The following LPIN3 variants were observed in gnomAD, a reference collection of about 807,000 sequenced individuals.
The protein encoded by LPIN3 is phosphatidate phosphatase LPIN3.
Under a neutral mutation model 94.7 loss-of-function variants are expected in LPIN3, and 82 were observed. The observed-to-expected ratio is 0.87, with a 90% CI of 0.72 to 1.04. The LOEUF (loss-of-function observed/expected upper bound fraction) is 1.04, where lower values mean the gene tolerates loss of function less well. Among genes scored for constraint, LPIN3 ranks in the 50% least tolerant of loss-of-function variants. The pLI is 0.00. For missense variants in LPIN3, 996 were observed against 1,090.5 expected, an observed-to-expected ratio of 0.91 and a Z score of 1.22; for synonymous variants, 418 against 443.3, an observed-to-expected ratio of 0.94 and a Z score of 0.72.
chr20:41,356,125 G>T, intron 14 of LPIN3, 91 bp downstream of exon 14: 2 of 1,520,808 alleles, frequency 1.3e-6, no homozygotes, highest in South Asian at 1.3e-5. Flanking sequence ...AATGGCTCCA[G>T]GGAGCCACAT....
At chr20:41,347,439 A>T in intron 2 of LPIN3, 113 bp from the exon 3 acceptor site, 1 of 969,694 alleles carries the variant, frequency 1.0e-6, no homozygotes, top group Non-Finnish European at 1.6e-6. Context: ...AGGGAACCCC[A>T]GCAAGTATGG....
chr20:41,355,435 T>A (rs996899473), intron 13 of LPIN3, among the ~76,000 whole-genome samples: 1 of 152,228 alleles, frequency 6.6e-6, no homozygotes, highest in Non-Finnish European at 1.5e-5. Context: ...CTCAGGCTCC[T>A]GCCCCAGACA....
rs2147020443 is a variant in LPIN3, at chr20:41,358,483, C to T, written c.2352C>T (p.Ile784=). The T allele has an allele frequency of 6.2e-7, 1 of 1,614,122 alleles. No homozygotes were observed. Among genetic ancestry groups the T allele is most frequent in the Non-Finnish European group, 8.5e-7 (1 of 1,180,026 alleles). The change falls in exon 19 of 20, where the codon ATC becomes ATT. Residue 784 remains isoleucine (I), a synonymous_variant. Transcript: ENST00000373257. The stretch of plus-strand genomic sequence containing the variant: ...AGGTGGGCCTGCCTGAGTCACGCAT[C>T]TTCACAGTCAACCCCCGGGGAGAGC... ...YRQVGLPESR[I]FTVNPRGELI... is the part of the protein sequence containing the mutation.
intron 2 of LPIN3, among the ~76,000 whole-genome samples, chr20:41,347,152 G>A (rs2045808871): frequency 6.6e-6 from 1 of 152,190 alleles, no homozygotes; most frequent in South Asian, 2.1e-4. Context: ...TCCCACCATT[G>A]TTTATGCAGC....
intron 4 of LPIN3, 82 bp from the exon 5 acceptor site, chr20:41,349,010 C>G: frequency 1.9e-6 from 3 of 1,585,722 alleles, no homozygotes; most frequent in African/African-American, 2.7e-5. Flanking sequence ...TTCACCTTAC[C>G]AAGCCCCTGA....
Position 41,347,642 on chromosome 20 carries a change from G to A in LPIN3, c.283G>A (p.Asp95Asn), listed in dbSNP as rs1186302765. 11 of 1,613,040 alleles carry A rather than the reference G, an allele frequency of 6.8e-6. No individual in the cohort carries two copies. The highest frequency in any genetic ancestry group is 5.0e-5 in the Admixed American group (3 of 59,938). The change falls in exon 3 of 20, where the codon GAT becomes AAT. Residue 95 changes from aspartate (D) to asparagine (N), a missense_variant. By Grantham distance (23) the Asp-to-Asn change is conservative (BLOSUM62 1). Transcript: ENST00000373257. The part of the protein sequence containing the change: ...EAFFVQELES[D>N]DEHVPPGLCT... ...CTTCTTTGTTCAGGAGCTGGAGAGC[G>A]ATGATGTGAGTCTGCCCTCCTAACA... is the stretch of plus-strand genomic sequence containing the variant.
intron 1 of LPIN3, among the ~76,000 whole-genome samples, chr20:41,343,154 A>G (rs1324746057): frequency 1.3e-5 from 2 of 152,060 alleles, no homozygotes; most frequent in Admixed American, 6.5e-5. Context: ...GCAAAGAATT[A>G]TCTGGCCCCA....
intron 5 of LPIN3, among the ~76,000 whole-genome samples, 165 bp downstream of exon 5, chr20:41,349,337 T>C (rs1444638182): frequency 8.5e-5 from 13 of 152,244 alleles, no homozygotes; most frequent in African/African-American, 3.1e-4. Context: ...TTTTTTTAAA[T>C]TGCGGTAAAA....
At position 41,358,875 on chromosome 20, in the gene LPIN3, T is replaced by C. The variant is rs2046311122; in HGVS notation, c.*9T>C. 6.2e-7 allele frequency: 1 copy of C among 1,613,590 alleles called. No homozygotes were observed. The highest frequency in any genetic ancestry group is 1.3e-5 in the African/African-American group (1 of 74,912). ...TTGATACCCTGGACTGAACCTGCCC[T>C]GGCTGGCTCCTCCTCCCTGGCCCGG... On this transcript the variant is annotated 3_prime_UTR_variant, in exon 20 of 20. Transcript: ENST00000373257.
intron 1 of LPIN3, among the ~76,000 whole-genome samples, chr20:41,342,939 G>A (rs1321953456): frequency 6.6e-6 from 1 of 152,170 alleles, no homozygotes; most frequent in African/African-American, 2.4e-5. Context: ...AGGACCCCGG[G>A]TGCCATCTCT....
At position 41,345,724 on chromosome 20, in the gene LPIN3, G is replaced by T; in HGVS notation, c.-8-72G>T. ...AAATGTAAACTTGGGGGTCTGTGTG[G>T]TCAGGCTGCAGGAGCTTCTTGTGGA... On this transcript the variant is annotated intron_variant, in intron 1 of 19. Transcript: ENST00000373257. The T allele has an allele frequency of 4.0e-6, 6 of 1,484,918 alleles. No homozygotes were observed. The South Asian group carries it at 6.5e-5, about 16-fold the overall frequency. The allele number at this position is 1,484,918 out of a possible 1,614,324, so 92.0% of individuals were successfully genotyped here.
intron 14 of LPIN3, 128 bp downstream of exon 14, chr20:41,356,162 C>A: frequency 7.4e-7 from 1 of 1,352,404 alleles, no homozygotes; most frequent in Admixed American, 2.3e-5. Context: ...AATCTATCCC[C>A]TTGGGAGCCT....
At chr20:41,351,788 C>G (rs755084852) in intron 7 of LPIN3, 33 bp from the exon 8 acceptor site, 1 of 1,597,926 alleles carries the variant, frequency 6.3e-7, no homozygotes, top group East Asian at 2.2e-5. Context: ...GAGCACATGT[C>G]AGCTCTACAG....
rs140565889 is a variant in LPIN3 at position 41,345,844 on chromosome 20, C to T, written c.41C>T (p.Thr14Met). ...VGQLAETVFGTVKELYRGLNP... is the reference protein window; with the variant it reads ...VGQLAETVFGMVKELYRGLNP... ...CAGCTGGCGGAGACGGTGTTTGGGA[C>T]GGTGAAGGAGCTGTACCGGGGCCTG... The change falls in exon 2 of 20, where the codon ACG becomes ATG. Residue 14 changes from threonine (T) to methionine (M), a missense_variant. Thr to Met is a moderately conservative substitution (Grantham distance 81). Transcript: ENST00000373257. 57 of 1,613,932 alleles carry T rather than the reference C, an allele frequency of 3.5e-5. No individual in the cohort carries two copies. Among genetic ancestry groups the T allele is most frequent in the African/African-American group, 4.0e-5 (3 of 74,922 alleles).
At chr20:41,350,006 G>C in intron 6 of LPIN3, 49 bp from the exon 7 acceptor site, 4 of 1,560,458 alleles carry the variant, frequency 2.6e-6, no homozygotes, top group Non-Finnish European at 2.6e-6. Flanking sequence ...GCTTTGTGGG[G>C]CATGGGCCTT....
At chr20:41,353,802 ATGT>A (rs1351049452) in intron 11 of LPIN3, among the ~76,000 whole-genome samples, 1 of 152,176 alleles carries the variant, frequency 6.6e-6, no homozygotes, top group Non-Finnish European at 1.5e-5. Flanking sequence ...TCACTAACAG[ATGT>A]TGACAGCTGT....
In LPIN3 at chr20:41,359,105, C is replaced by A; in HGVS notation, c.*239C>A. On this transcript the variant is annotated 3_prime_UTR_variant, in exon 20 of 20. Coordinates refer to ENST00000373257, the MANE Select transcript of LPIN3 (RefSeq NM_022896.3). ...TGTCCTGGGGCAATTAGCTTGTCAT[C>A]TGGGCCCTTGCAGGGTTCTTTTTTT... is the stretch of plus-strand genomic sequence containing the variant. 1.1e-5 allele frequency: 3 copies of A among 282,138 alleles called. No individual in the cohort carries two copies. Among genetic ancestry groups the A allele is most frequent in the Non-Finnish European group, 1.9e-5 (3 of 154,350 alleles). 17.5% of individuals were successfully genotyped at this position (282,138 alleles called of 1,614,324 possible). A position where few individuals can be genotyped will look rare whatever the true frequency, so the allele number is the denominator to read the frequency against.
chr20:41,352,290 G>A (rs1255486171), intron 9 of LPIN3, 70 bp downstream of exon 9: 2 of 1,561,898 alleles, frequency 1.3e-6, no homozygotes, highest in South Asian at 2.3e-5. Flanking sequence ...GGGCAGGGAA[G>A]ACTGTGAGGG....
intron 7 of LPIN3, 41 bp downstream of exon 7, chr20:41,350,438 G>A (rs565782192): frequency 8.7e-5 from 128 of 1,473,510 alleles, no homozygotes; most frequent in Non-Finnish European, 1.1e-4. Context: ...CCCTGGCCTC[G>A]CTCTGTCCCC....
Sources: allele counts gnomAD v4.1 joint callset (sites outside exome capture counted in the v4.1 genomes callset), GRCh38; gene constraint gnomAD v4.1.1; transcripts MANE v1.5; gene names NCBI Gene and HGNC (gene_info 2026-07-23, HGNC 2026-07-21).